RNF150: variants seen among roughly 807,000 people sequenced by gnomAD.
RNF150 encodes the protein ring finger protein 150.
Under a neutral mutation model 39.3 loss-of-function variants are expected in RNF150, and 24 were observed. That is an observed-to-expected ratio of 0.61 (90% CI 0.44 to 0.86). The LOEUF (loss-of-function observed/expected upper bound fraction) is 0.86, where lower values mean the gene tolerates loss of function less well. Ranked by LOEUF, RNF150 falls within the 40% of genes least tolerant of loss-of-function variation. The pLI is 0.00. For synonymous variants in RNF150, 255 were observed against 227.3 expected (o/e 1.12, Z -1.10); for missense variants, 502 against 587.8 (o/e 0.85, Z 1.51).
chr4:141,049,609 G>C (rs1464680021), intron 1 of RNF150, among the ~76,000 whole-genome samples: 1 of 152,068 alleles, frequency 6.6e-6, no homozygotes, highest in Admixed American at 6.5e-5. Flanking sequence ...ACTTTTTAAT[G>C]ACAAAAGTCT....
chr4:140,916,418 T>C (rs929894682), intron 5 of RNF150, among the ~76,000 whole-genome samples: 1 of 152,220 alleles, frequency 6.6e-6, no homozygotes, highest in Admixed American at 6.5e-5. Context: ...CAGTAACCGA[T>C]GTGATCAACT....
chr4:140,931,703 A>C (rs1030596469), intron 4 of RNF150, among the ~76,000 whole-genome samples: 1 of 152,204 alleles, frequency 6.6e-6, no homozygotes, highest in African/African-American at 2.4e-5. Flanking sequence ...AAATACAACA[A>C]AGAGTTGGCC....
chr4:141,080,927 G>A (rs1738126443), intron 1 of RNF150, among the ~76,000 whole-genome samples: 2 of 152,128 alleles, frequency 1.3e-5, no homozygotes, highest in Admixed American at 6.5e-5. Context: ...AATGTGAGAA[G>A]TCTGATCGCC....
chr4:140,969,523 C>T (rs1375731968), intron 1 of RNF150, among the ~76,000 whole-genome samples: 2 of 152,202 alleles, frequency 1.3e-5, no homozygotes, highest in East Asian at 3.9e-4. Context: ...TCTAAAGAAA[C>T]ATGATCTTCT....
chr4:141,143,924 A>G lies in RNF150; in HGVS notation c.-6+68870T>C, dbSNP rs188937702. Among the ~76,000 whole-genome samples the G allele has an allele frequency of 1.2e-3, 185 of 152,204 alleles. 1 individual carries two copies. The highest frequency in any genetic ancestry group is 4.1e-3 in the African/African-American group (171 of 41,500). The stretch of plus-strand genomic sequence containing the variant: ...TAGAATAAATCTCCTTTCAACTATT[A>G]TATTTCACTCCTCTTATTTTTTCTC... On this transcript the variant is annotated intron_variant, in intron 1 of 7. Transcript: ENST00000420921.
rs1303285201 is a variant in RNF150, at chr4:140,863,897, G to T, written c.*4364C>A. On this transcript the variant is annotated 3_prime_UTR_variant, in exon 7 of 7. Coordinates refer to ENST00000515673, the MANE Select transcript of RNF150 (RefSeq NM_020724.2). ...AACTAAATGTCATTTAATTTTTTAT[G>T]CTCTGCAAAAATATCCATCTAAACA... 6.6e-6 allele frequency: 1 copy of T among 152,146 alleles called. No homozygotes were observed. Among genetic ancestry groups the T allele is most frequent in the South Asian group, 2.1e-4 (1 of 4,802 alleles). The allele number at this position is 152,146 out of a possible 1,614,324, so 9.4% of individuals were successfully genotyped here. A position where few individuals can be genotyped will look rare whatever the true frequency, so the allele number is the denominator to read the frequency against.
intron 1 of RNF150, among the ~76,000 whole-genome samples, chr4:141,115,768 A>G (rs1739530772): frequency 6.6e-6 from 1 of 152,246 alleles, no homozygotes; most frequent in Non-Finnish European, 1.5e-5. Context: ...TAACCAAAAC[A>G]GCATGGTACG....
intron 5 of RNF150, among the ~76,000 whole-genome samples, chr4:140,917,922 A>C (rs1273603135): frequency 1.3e-5 from 2 of 151,990 alleles, no homozygotes; most frequent in African/African-American, 4.8e-5. Flanking sequence ...GAAACTGAAC[A>C]ACCTGCTCCT....
chr4:140,983,739 C>CT (rs35565844), intron 1 of RNF150, among the ~76,000 whole-genome samples: 4,022 of 129,652 alleles, frequency 0.031, 148 homozygotes, highest in African/African-American at 0.089. Flanking sequence ...GTATAACTGC[C>CT]TTTTTTTTTT....
chr4:141,098,389 C>T (rs1738881929), intron 1 of RNF150, among the ~76,000 whole-genome samples: 1 of 152,238 alleles, frequency 6.6e-6, no homozygotes, highest in Non-Finnish European at 1.5e-5. Flanking sequence ...GGCACACAAG[C>T]ACAGCCAAGA....
intron 1 of RNF150, among the ~76,000 whole-genome samples, chr4:141,078,805 AAAAATATATAT>A (rs1366109385): frequency 2.5e-5 from 2 of 81,630 alleles, no homozygotes; most frequent in African/African-American, 4.3e-5. Flanking sequence ...AAAAAAAAAA[AAAAATATATAT>A]ATATATATAT....
At chr4:140,913,677 C>A (rs1181796693) in intron 5 of RNF150, among the ~76,000 whole-genome samples, 2 of 152,200 alleles carry the variant, frequency 1.3e-5, no homozygotes, top group African/African-American at 2.4e-5. Flanking sequence ...GTGCTGATCT[C>A]ACTCTACTAG....
Position 141,115,540 on chromosome 4 carries a change from T to C in RNF150, c.484+16785A>G, listed in dbSNP as rs188645859. On this transcript the variant is annotated intron_variant, in intron 1 of 6. Transcript: ENST00000515673. ...ATTCCATGCTCATGGATAGGAAGAA[T>C]ATCGTGAAATTGGCCATACTGCCAA... 6.7e-3 allele frequency among the ~76,000 whole-genome samples: 1,014 copies of C among 152,314 alleles called. 7 individuals carry two copies. Among genetic ancestry groups the C allele is most frequent in the African/African-American group, 0.023 (947 of 41,570 alleles).
intron 1 of RNF150, among the ~76,000 whole-genome samples, chr4:141,099,821 T>C (rs185345800): frequency 6.6e-6 from 1 of 152,128 alleles, no homozygotes; most frequent in East Asian, 1.9e-4. Context: ...AACAAGGAAC[T>C]CTAAAATACA....
At chr4:140,913,012 G>A (rs1029095562) in intron 5 of RNF150, among the ~76,000 whole-genome samples, 2 of 149,338 alleles carry the variant, frequency 1.3e-5, no homozygotes, top group African/African-American at 2.5e-5. Flanking sequence ...GGTGGCTCAC[G>A]CCTGTAATCC....
At chr4:141,064,774 A>G (rs1737387566) in intron 1 of RNF150, among the ~76,000 whole-genome samples, 1 of 152,078 alleles carries the variant, frequency 6.6e-6, no homozygotes, top group African/African-American at 2.4e-5. Flanking sequence ...GTACCCCTTC[A>G]AGCGCTATTT....
intron 1 of RNF150, among the ~76,000 whole-genome samples, chr4:141,130,576 A>C (rs1726869088): frequency 6.6e-6 from 1 of 152,214 alleles, no homozygotes; most frequent in Admixed American, 6.5e-5. Flanking sequence ...GAACCTTTTT[A>C]GACAGGAACA....
At position 140,867,702 on chromosome 4, in the gene RNF150, T is replaced by A. The variant is rs1294356902; in HGVS notation, c.*559A>T. 1 of 152,264 alleles carries A rather than the reference T, an allele frequency of 6.6e-6. No individual in the cohort carries two copies. The highest frequency in any genetic ancestry group is 1.5e-5 in the Non-Finnish European group (1 of 68,116). The allele number at this position is 152,264 out of a possible 1,614,324, so 9.4% of individuals were successfully genotyped here. On this transcript the variant is annotated 3_prime_UTR_variant, in exon 7 of 7. Coordinates refer to ENST00000515673, the MANE Select transcript of RNF150 (RefSeq NM_020724.2). The stretch of plus-strand genomic sequence containing the variant: ...GTCCATTTCAGGGTGCTGAGGCACT[T>A]CTCAAAGCCATGCACACTTCATGCT...
intron 1 of RNF150, among the ~76,000 whole-genome samples, chr4:141,043,255 T>C (rs1736435482): frequency 6.6e-6 from 1 of 151,992 alleles, no homozygotes; most frequent in African/African-American, 2.4e-5. Context: ...ATACAAAATA[T>C]GGTACGTTTG....
Sources: gnomAD v4.1 joint callset for allele counts (sites outside exome capture counted in the v4.1 genomes callset) on GRCh38, gnomAD v4.1.1 for gene constraint, MANE v1.5 for transcripts, NCBI Gene and HGNC (gene_info 2026-07-23, HGNC 2026-07-21) for gene names.